The following CR1L variants were observed in gnomAD, a reference collection of about 807,000 sequenced individuals.
CR1L encodes complement component receptor 1-like protein.
In CR1L, 59 loss-of-function variants were observed where a neutral mutation model predicts 62.3. That is an observed-to-expected ratio of 0.95 (90% CI 0.77 to 1.18). The LOEUF is 1.18. Among genes scored for constraint, CR1L ranks in the 50% most tolerant of loss-of-function variants. CR1L has a pLI of 0.00. For missense variants in CR1L, 700 were observed against 702.8 expected (o/e 1.00, Z 0.04); for synonymous variants, 279 against 248.7 (o/e 1.12, Z -1.15).
At chr1:207,683,109 T>C (rs1019979968) in intron 3 of CR1L, among the ~76,000 whole-genome samples, 23 of 149,980 alleles carry the variant, frequency 1.5e-4, no homozygotes, top group African/African-American at 5.7e-4. Context: ...TCTCTCTCTC[T>C]CCCTCTGACT....
At chr1:207,700,508 T>G (rs1468654820) in intron 8 of CR1L, among the ~76,000 whole-genome samples, 1 of 152,186 alleles carries the variant, frequency 6.6e-6, no homozygotes, top group Non-Finnish European at 1.5e-5. Context: ...AGTAACAACT[T>G]GAAACCTGAC....
At chr1:207,683,010 T>TTTTCTTTTTTTC (rs1558017900) in intron 3 of CR1L, among the ~76,000 whole-genome samples, 1 of 125,414 alleles carries the variant, frequency 8.0e-6, no homozygotes, top group Non-Finnish European at 1.7e-5. Flanking sequence ...CTTTCTTTCT[T>TTTTCTTTTTTTC]TTTCTTTCTT....
intron 1 of CR1L, among the ~76,000 whole-genome samples, chr1:207,663,644 A>G (rs149150945): frequency 1.3e-5 from 2 of 152,142 alleles, no homozygotes; most frequent in African/African-American, 2.4e-5. Flanking sequence ...CGCTGCACCC[A>G]CTGTCCTGCA....
chr1:207,662,982 G>C (rs1180003022), intron 1 of CR1L, among the ~76,000 whole-genome samples: 1 of 151,952 alleles, frequency 6.6e-6, no homozygotes, highest in African/African-American at 2.4e-5. Context: ...AACTGCAAAT[G>C]CTGCTGCCTG....
intron 10 of CR1L, chr1:207,710,257 T>C: frequency 1.6e-6 from 1 of 627,580 alleles, no homozygotes; most frequent in Non-Finnish European, 2.9e-6. Context: ...GGGGGGAGGA[T>C]TGCTTGACCT....
intron 5 of CR1L, 42 bp from the exon 6 acceptor site, chr1:207,697,461 T>G (rs756356054): frequency 6.2e-7 from 1 of 1,613,316 alleles, no homozygotes; most frequent in South Asian, 1.1e-5. Flanking sequence ...AGAGAAAAGT[T>G]ATTTTCACAC....
intron 1 of CR1L, chr1:207,669,451 G>T (rs943208835): frequency 2.1e-6 from 3 of 1,398,224 alleles, no homozygotes; most frequent in African/African-American, 3.0e-5. Flanking sequence ...GAGGATGGGG[G>T]TCTCTTCTCC....
At chr1:207,708,355 A>T (rs1297007790) in intron 10 of CR1L, 92 bp downstream of exon 10, 28 of 1,483,068 alleles carry the variant, frequency 1.9e-5, no homozygotes, top group Admixed American at 3.4e-5. Flanking sequence ...TCCCTCTTGG[A>T]AATGGTATCC....
intron 1 of CR1L, chr1:207,655,287 CTT>C (rs372554262): frequency 0.031 from 13,655 of 445,442 alleles, no homozygotes; most frequent in South Asian, 0.048. Flanking sequence ...TAAGTAAATT[CTT>C]TTTTTTTTTT....
At chr1:207,693,049 C>A (rs1425735703) in intron 4 of CR1L, among the ~76,000 whole-genome samples, 2 of 152,176 alleles carry the variant, frequency 1.3e-5, no homozygotes, top group Non-Finnish European at 2.9e-5. Flanking sequence ...AGGTTATTGT[C>A]TATGTTTCCT....
chr1:207,710,548 A>T (rs1039871767), intron 10 of CR1L: 40 of 1,609,562 alleles, frequency 2.5e-5, no homozygotes, highest in Admixed American at 2.2e-4. Flanking sequence ...GCACCAGCAA[A>T]GATGATCAAG....
intron 1 of CR1L, among the ~76,000 whole-genome samples, chr1:207,654,842 G>A (rs1663280828): frequency 6.6e-6 from 1 of 152,178 alleles, no homozygotes; most frequent in Non-Finnish European, 1.5e-5. Flanking sequence ...CAGCTCTAGG[G>A]CCTGTTCTCT....
At chr1:207,665,288 T>C (rs1663499790) in intron 1 of CR1L, among the ~76,000 whole-genome samples, 1 of 152,176 alleles carries the variant, frequency 6.6e-6, no homozygotes, top group African/African-American at 2.4e-5. Context: ...TCTCCTGACC[T>C]TGTGATCCAT....
intron 1 of CR1L, among the ~76,000 whole-genome samples, chr1:207,647,874 A>G (rs1279029061): frequency 1.3e-5 from 2 of 152,174 alleles, no homozygotes; most frequent in Admixed American, 1.3e-4. Flanking sequence ...GGGATTAGGG[A>G]GCAGTGGTGT....
intron 1 of CR1L, among the ~76,000 whole-genome samples, chr1:207,670,109 A>C (rs1040001151): frequency 6.6e-6 from 1 of 150,934 alleles, no homozygotes; most frequent in African/African-American, 2.5e-5. Flanking sequence ...GTCCATTTCT[A>C]TCCCCCAACC....
chr1:207,699,549 C>G (rs1401431375), intron 8 of CR1L, among the ~76,000 whole-genome samples: 4 of 152,152 alleles, frequency 2.6e-5, no homozygotes. Context: ...TAATGTGAAG[C>G]TTTTACAATT....
chr1:207,721,167 T>G (rs1294999530), intron 11 of CR1L, among the ~76,000 whole-genome samples: 2 of 152,158 alleles, frequency 1.3e-5, no homozygotes, highest in Non-Finnish European at 2.9e-5. Context: ...TCACTAGAAC[T>G]AAAGAAATGC....
At chr1:207,678,752 C>T (rs1237928231) in intron 3 of CR1L, among the ~76,000 whole-genome samples, 11 of 152,124 alleles carry the variant, frequency 7.2e-5, no homozygotes, top group Non-Finnish European at 1.0e-4. Flanking sequence ...AGTTCTGTTC[C>T]GGAGGCTGGA....
chr1:207,710,979 G>A (rs1185878412), intron 10 of CR1L, among the ~76,000 whole-genome samples: 2 of 152,182 alleles, frequency 1.3e-5, no homozygotes, highest in African/African-American at 4.8e-5. Context: ...TGAAAAGCAA[G>A]ACCTTAATTA....
Sources: allele counts gnomAD v4.1 joint callset (sites outside exome capture counted in the v4.1 genomes callset), GRCh38; gene constraint gnomAD v4.1.1; transcripts MANE v1.5; gene names NCBI Gene and HGNC (gene_info 2026-07-23, HGNC 2026-07-21).